Variants in ERBB4 observed in about 807,000 individuals in gnomAD.
ERBB4 encodes erb-b2 receptor tyrosine kinase 4.
ERBB4 carries 42 observed loss-of-function variants against 158.0 expected under a neutral mutation model. The ratio of observed to expected loss-of-function variants is 0.27; its 90% CI spans 0.21 to 0.34. ERBB4 has a LOEUF of 0.34. ERBB4 is among the 10% of genes least tolerant of loss of function. The pLI, the probability that ERBB4 is intolerant of heterozygous loss-of-function variation, is 1.00. For missense variants in ERBB4, 1,333 were observed against 1,624.1 expected (o/e 0.82, Z 3.08); for synonymous variants, 583 against 558.7 (o/e 1.04, Z -0.61).
chr2:211,658,793 T>C lies in ERBB4; in HGVS notation c.1872-965A>G, dbSNP rs577214031. On this transcript the variant is annotated intron_variant, in intron 15 of 27. Coordinates refer to ENST00000342788, the MANE Select transcript of ERBB4 (RefSeq NM_005235.3). ...GAATACAGTGAGACTAACATTTAAATGGAATTACATAAGTACACAGAATTC... is the reference window on the plus strand; with the variant it reads ...GAATACAGTGAGACTAACATTTAAACGGAATTACATAAGTACACAGAATTC... Among the ~76,000 whole-genome samples the C allele has an allele frequency of 1.2e-4, 18 of 152,306 alleles. No homozygotes were observed. In the South Asian group the frequency reaches 3.7e-3, roughly 32 times the overall value.
rs548596072 is a variant in ERBB4, at chr2:211,930,613, T to TAGCAATTG, written c.421+16809_421+16816dup. ...CACTGACAGAGACCCAGCCGTGTTATAGCAATTGAGCTACTGAAAACACTA... is the reference window on the plus strand; with the variant it reads ...CACTGACAGAGACCCAGCCGTGTTATAGCAATTGAGCAATTGAGCTACTGAAAACACTA... On this transcript the variant is annotated intron_variant, in intron 3 of 27. Transcript: ENST00000342788. Among the ~76,000 whole-genome samples the TAGCAATTG allele has an allele frequency of 1.1e-3, 172 of 152,296 alleles. 1 individual carries two copies. Among genetic ancestry groups the TAGCAATTG allele is most frequent in the African/African-American group, 3.5e-3 (146 of 41,584 alleles).
At chr2:211,656,620 T>C (rs2071228654) in intron 16 of ERBB4, among the ~76,000 whole-genome samples, 1 of 152,182 alleles carries the variant, frequency 6.6e-6, no homozygotes, top group African/African-American at 2.4e-5. Flanking sequence ...ATTATCTCCT[T>C]CCCTTTTCCA....
chr2:211,483,923 A>G (rs1279348014), intron 20 of ERBB4, among the ~76,000 whole-genome samples: 5 of 152,216 alleles, frequency 3.3e-5, no homozygotes, highest in African/African-American at 1.2e-4. Context: ...TAAAGTATGG[A>G]AAGAAAAAAA....
intron 20 of ERBB4, among the ~76,000 whole-genome samples, chr2:211,547,237 T>C (rs1369172118): frequency 3.3e-5 from 5 of 152,096 alleles, no homozygotes; most frequent in Non-Finnish European, 7.3e-5. Flanking sequence ...TCTACAATTA[T>C]TTCAAAATAA....
chr2:211,780,354 C>A (rs1416082029), intron 4 of ERBB4, among the ~76,000 whole-genome samples: 6 of 151,862 alleles, frequency 4.0e-5, no homozygotes, highest in Non-Finnish European at 7.4e-5. Context: ...CAGAGCAAGA[C>A]CCAGTCTAAA....
chr2:211,651,735 C>T (rs2070995544), intron 16 of ERBB4, among the ~76,000 whole-genome samples: 1 of 152,134 alleles, frequency 6.6e-6, no homozygotes, highest in Non-Finnish European at 1.5e-5. Flanking sequence ...AAGGAATACA[C>T]ATGGCTGGCT....
intron 16 of ERBB4, among the ~76,000 whole-genome samples, chr2:211,648,303 TC>T (rs1559379577): frequency 1.3e-5 from 2 of 151,904 alleles, no homozygotes; most frequent in East Asian, 3.9e-4. Context: ...TTTCTTACCA[TC>T]TGCATATCAC....
At chr2:212,392,999 G>A (rs2090922577) in intron 1 of ERBB4, among the ~76,000 whole-genome samples, 1 of 151,986 alleles carries the variant, frequency 6.6e-6, no homozygotes, top group South Asian at 2.1e-4. Context: ...AGAGAAAGCA[G>A]TAAGATAACC....
At chr2:211,880,881 C>A (rs1211527390) in intron 3 of ERBB4, among the ~76,000 whole-genome samples, 1 of 152,184 alleles carries the variant, frequency 6.6e-6, no homozygotes, top group South Asian at 2.1e-4. Context: ...AAATATTCAT[C>A]TTGTTTGTGC....
chr2:211,749,100 T>C (rs1041237761), intron 5 of ERBB4, among the ~76,000 whole-genome samples: 2 of 152,232 alleles, frequency 1.3e-5, no homozygotes, highest in African/African-American at 4.8e-5. Context: ...CTATGTTTCA[T>C]CTAACCCTTT....
At chr2:212,204,173 G>A (rs919783387) in intron 1 of ERBB4, among the ~76,000 whole-genome samples, 25 of 151,940 alleles carry the variant, frequency 1.6e-4, no homozygotes, top group African/African-American at 5.6e-4. Context: ...CTGATTCTTG[G>A]AGCATTTTGC....
At chr2:211,502,656 A>C (rs945974044) in intron 20 of ERBB4, among the ~76,000 whole-genome samples, 18 of 152,134 alleles carry the variant, frequency 1.2e-4, no homozygotes, top group African/African-American at 4.3e-4. Flanking sequence ...TAGAAACCAT[A>C]ATTAGATTCA....
intron 2 of ERBB4, among the ~76,000 whole-genome samples, chr2:212,038,539 T>C (rs866782268): frequency 6.6e-6 from 1 of 152,286 alleles, no homozygotes; most frequent in South Asian, 2.1e-4. Flanking sequence ...AAGACATTTT[T>C]TTCTTTTGTA....
At chr2:212,084,416 T>C (rs1308959727) in intron 2 of ERBB4, among the ~76,000 whole-genome samples, 1 of 151,988 alleles carries the variant, frequency 6.6e-6, no homozygotes, top group African/African-American at 2.4e-5. Context: ...ATTCTTTTCA[T>C]GGGATAAGGG....
intron 2 of ERBB4, among the ~76,000 whole-genome samples, chr2:212,028,410 G>A (rs2076823665): frequency 6.6e-6 from 1 of 152,102 alleles, no homozygotes; most frequent in South Asian, 2.1e-4. Context: ...CAAAGACAAT[G>A]ATGTCTTCCT....
intron 1 of ERBB4, among the ~76,000 whole-genome samples, chr2:212,331,243 C>A (rs2088153078): frequency 6.6e-6 from 1 of 150,652 alleles, no homozygotes; most frequent in Non-Finnish European, 1.5e-5. Flanking sequence ...TAACCTATTT[C>A]TATAACTAAT....
At chr2:211,852,154 A>G (rs1374478078) in intron 3 of ERBB4, among the ~76,000 whole-genome samples, 1 of 151,840 alleles carries the variant, frequency 6.6e-6, no homozygotes, top group Non-Finnish European at 1.5e-5. Flanking sequence ...TCAAATTTTA[A>G]TTCATTTATT....
chr2:212,110,869 T>C (rs1278202569), intron 2 of ERBB4, among the ~76,000 whole-genome samples: 4 of 36,518 alleles, frequency 1.1e-4, no homozygotes, highest in East Asian at 1.1e-3. Context: ...ATCTGATTAC[T>C]GTTTGAAATA....
intron 1 of ERBB4, among the ~76,000 whole-genome samples, chr2:212,503,895 T>C (rs970231731): frequency 1.3e-5 from 2 of 152,104 alleles, no homozygotes; most frequent in Non-Finnish European, 2.9e-5. Context: ...AAAATGCTGA[T>C]GCATTAAACA....
Sources: gnomAD v4.1 joint callset for allele counts (sites outside exome capture counted in the v4.1 genomes callset) on GRCh38, gnomAD v4.1.1 for gene constraint, MANE v1.5 for transcripts, NCBI Gene and HGNC (gene_info 2026-07-23, HGNC 2026-07-21) for gene names.